Variants in ZNF343 observed in about 807,000 individuals in gnomAD.
ZNF343 encodes zinc finger protein 343.
In ZNF343, 11 loss-of-function variants were observed where a neutral mutation model predicts 13.8. The ratio of observed to expected loss-of-function variants is 0.80; its 90% CI spans 0.50 to 1.32. ZNF343 has a LOEUF of 1.32. Among genes scored for constraint, ZNF343 ranks in the 40% most tolerant of loss-of-function variants. ZNF343 has a pLI of 0.00. For missense variants in ZNF343, 658 were observed against 714.2 expected (o/e 0.92, Z 0.90); for synonymous variants, 248 against 260.0 (o/e 0.95, Z 0.44).
Position 2,523,189 on chromosome 20 carries a change from T to G in ZNF343, c.-347+1266A>C, listed in dbSNP as rs180803332. 5.9e-5 allele frequency among the ~76,000 whole-genome samples: 9 copies of G among 152,344 alleles called. No homozygotes were observed. In the East Asian group the frequency reaches 1.7e-3, roughly 29 times the overall value. On this transcript the variant is annotated intron_variant, in intron 1 of 6. Coordinates refer to the ZNF343 transcript ENST00000358413. ...TGCTCCCACCAGCACCATGACAGTT[T>G]ACAGATGCCATGGCAATGTCAGGAA...
At chr20:2,509,106 T>C (rs928178378), upstream of ZNF343, 2 of 152,164 alleles carry the variant, frequency 1.3e-5, no homozygotes, top group Non-Finnish European at 2.9e-5. Context: ...TCTGTCCCCT[T>C]GGCCCATTCT....
At chr20:2,516,609 G>A (rs1190538891) in intron 1 of ZNF343, among the ~76,000 whole-genome samples, 1 of 152,100 alleles carries the variant, frequency 6.6e-6, no homozygotes, top group Non-Finnish European at 1.5e-5. Context: ...CAGTGATGAT[G>A]AGGGTCTGGT....
In ZNF343 at chr20:2,493,868, C is replaced by G. The variant is rs781679987; in HGVS notation, c.28G>C (p.Gly10Arg). 2.5e-6 allele frequency: 4 copies of G among 1,613,788 alleles called. No homozygotes were observed. In the African/African-American group the frequency reaches 5.3e-5, roughly 22 times the overall value. MMLPYPSALGDQYWEEILLP... is the reference protein window; with the variant it reads MMLPYPSALRDQYWEEILLP... ...AAAATCTCTTCCCAGTATTGATCTC[C>G]CAGTGCTGAAGGATAAGGCAACATC... is the stretch of plus-strand genomic sequence containing the variant. The change falls in exon 3 of 6, where the codon GGA becomes CGA. Residue 10 changes from glycine to arginine, a missense_variant. Physicochemically the swap from Gly to Arg is moderately radical, Grantham distance 125. Transcript: ENST00000278772.
intron 5 of ZNF343, among the ~76,000 whole-genome samples, chr20:2,488,112 T>C (rs1012907573): frequency 6.6e-6 from 1 of 152,246 alleles, no homozygotes; most frequent in Admixed American, 6.5e-5. Flanking sequence ...ATTAGTCCTT[T>C]CTTTTGACTT....
At chr20:2,499,738 C>T (rs2085528874) in intron 2 of ZNF343, among the ~76,000 whole-genome samples, 2 of 152,122 alleles carry the variant, frequency 1.3e-5, no homozygotes, top group African/African-American at 2.4e-5. Flanking sequence ...AGACTCAGAG[C>T]TCCGGCTGGT....
intron 1 of ZNF343, among the ~76,000 whole-genome samples, chr20:2,520,911 C>T (rs563843525): frequency 1.3e-5 from 2 of 152,236 alleles, no homozygotes; most frequent in African/African-American, 2.4e-5. Flanking sequence ...GGTGGGGACA[C>T]AGCCCCAGGG....
chr20:2,504,366 G>A (rs895565288), intron 1 of ZNF343, among the ~76,000 whole-genome samples: 1 of 152,156 alleles, frequency 6.6e-6, no homozygotes, highest in African/African-American at 2.4e-5. Context: ...AATTCTACCT[G>A]AGGTGCAAGG....
chr20:2,512,192 C>T (rs908718276), upstream of ZNF343, among the ~76,000 whole-genome samples: 12 of 152,216 alleles, frequency 7.9e-5, no homozygotes, highest in African/African-American at 2.9e-4. Flanking sequence ...AATGAAATTA[C>T]ATACTCCGTT....
intron 1 of ZNF343, among the ~76,000 whole-genome samples, chr20:2,514,579 A>G (rs1010429482): frequency 2.0e-5 from 3 of 152,220 alleles, no homozygotes; most frequent in Non-Finnish European, 4.4e-5. Context: ...TCAAAGTAAG[A>G]TGAATCCAGT....
chr20:2,522,296 T>A (rs924820888), intron 1 of ZNF343, among the ~76,000 whole-genome samples: 1 of 152,230 alleles, frequency 6.6e-6, no homozygotes, highest in Non-Finnish European at 1.5e-5. Context: ...TCTAACTCAT[T>A]TTATTTAGTT....
At chr20:2,513,577 C>A (rs1034576791), upstream of ZNF343, among the ~76,000 whole-genome samples, 2 of 152,126 alleles carry the variant, frequency 1.3e-5, no homozygotes, top group Non-Finnish European at 2.9e-5. Context: ...TTTGGTGGTT[C>A]CTTAATAAGT....
chr20:2,493,758 G>T lies in ZNF343; in HGVS notation c.118+20C>A. Reference sequence around the variant, plus strand: ...CCTTGGCTTCCTCTTCATCCCTCCGGCTCCCTCAACAATTCTCACCTTTCG... The same window carrying T: ...CCTTGGCTTCCTCTTCATCCCTCCGTCTCCCTCAACAATTCTCACCTTTCG... On this transcript the variant is annotated intron_variant, in intron 3 of 5. Coordinates refer to ENST00000278772, the MANE Select transcript of ZNF343 (RefSeq NM_024325.6). The T allele has an allele frequency of 1.3e-6, 2 of 1,591,694 alleles. No homozygotes were observed. The highest frequency in any genetic ancestry group is 1.7e-6 in the Non-Finnish European group (2 of 1,159,754).
upstream of ZNF343, among the ~76,000 whole-genome samples, chr20:2,512,861 G>C (rs1008805951): frequency 7.9e-5 from 12 of 150,952 alleles, no homozygotes; most frequent in Non-Finnish European, 1.6e-4. Flanking sequence ...CAAGGCAGGA[G>C]GATCATTTGA....
chr20:2,483,938 A>T lies in ZNF343; in HGVS notation c.1023T>A (p.Asn341Lys), dbSNP rs1359244708. ...CCTCTGAGTGAGTCCACTGATGTCT[A>T]TTGAGGATGGACTTACTTCTAAAGC... ...GQSFRSKSIL[N>K]RHQWTHSEEK... Residue 341 changes from asparagine (N) to lysine (K), a missense_variant, in exon 6 of 6, where the codon AAT becomes AAA. By Grantham distance (94) the Asn-to-Lys change is moderately conservative (BLOSUM62 0). Coordinates refer to ENST00000278772, the MANE Select transcript of ZNF343 (RefSeq NM_024325.6). The T allele has an allele frequency of 1.2e-6, 2 of 1,613,362 alleles. No homozygotes were observed. The highest frequency in any genetic ancestry group is 2.2e-5 in the South Asian group (2 of 91,044).
Position 2,483,448 on chromosome 20 carries a change from T to C in ZNF343, c.1513A>G (p.Lys505Glu), listed in dbSNP as rs1286277257. 1 of 1,609,028 alleles carries C rather than the reference T, an allele frequency of 6.2e-7. No homozygotes were observed. The highest frequency in any genetic ancestry group is 1.4e-5 in the African/African-American group (1 of 73,372). The change falls in exon 6 of 6, where the codon AAG (lysine) becomes GAG (glutamate). Residue 505 changes from lysine (K) to glutamate (E), a missense_variant. Transcript: ENST00000278772. The stretch of plus-strand genomic sequence containing the variant: ...CTCTGGTGTCTGATGAGATTTGACT[T>C]CTGGCTAAAACCTCGCCTACACTCC... ...CRECRRGFSQ[K>E]SNLIRHQRTH...
intron 4 of ZNF343, 88 bp from the exon 5 acceptor site, chr20:2,492,913 G>A: frequency 6.4e-7 from 1 of 1,559,232 alleles, no homozygotes. Flanking sequence ...GGAGAGCCTG[G>A]ATATGCAAGT....
chr20:2,485,035 T>C (rs563053111), intron 5 of ZNF343, among the ~76,000 whole-genome samples: 7 of 152,250 alleles, frequency 4.6e-5, no homozygotes, highest in Non-Finnish European at 7.4e-5. Flanking sequence ...ACTTTTCTTA[T>C]TATATAAAAA....
chr20:2,514,704 A>G (rs953293034), intron 1 of ZNF343, among the ~76,000 whole-genome samples: 1 of 152,190 alleles, frequency 6.6e-6, no homozygotes, highest in African/African-American at 2.4e-5. Context: ...AAAGCAGGCC[A>G]GGCATGGTGG....
chr20:2,496,111 A>G (rs1379714668), intron 2 of ZNF343, among the ~76,000 whole-genome samples: 1 of 152,222 alleles, frequency 6.6e-6, no homozygotes, highest in Non-Finnish European at 1.5e-5. Context: ...TACCTCAGAA[A>G]AGACACAAGA....
Sources: gnomAD v4.1 joint callset for allele counts (sites outside exome capture counted in the v4.1 genomes callset) on GRCh38, gnomAD v4.1.1 for gene constraint, MANE v1.5 for transcripts, NCBI Gene and HGNC (gene_info 2026-07-23, HGNC 2026-07-21) for gene names.